The following NLGN1 variants were observed in gnomAD, a reference collection of about 807,000 sequenced individuals.
The protein encoded by NLGN1 is neuroligin-1.
A neutral mutation model predicts 65.5 loss-of-function variants in NLGN1; 12 were observed. The ratio of observed to expected loss-of-function variants is 0.18; its 90% CI spans 0.12 to 0.30. NLGN1 has a LOEUF of 0.30. NLGN1 is among the 10% of genes least tolerant of loss of function. The pLI, the probability that NLGN1 is intolerant of heterozygous loss-of-function variation, is 1.00. For missense variants in NLGN1, 750 were observed against 1,007.1 expected (o/e 0.74, Z 3.46); for synonymous variants, 350 against 359.5 (o/e 0.97, Z 0.30).
At chr3:173,569,334 T>G (rs1744245550) in intron 2 of NLGN1, among the ~76,000 whole-genome samples, 1 of 152,124 alleles carries the variant, frequency 6.6e-6, no homozygotes, top group Non-Finnish European at 1.5e-5. Context: ...GTGAGAGATT[T>G]TTCCTTCATC....
chr3:174,232,786 C>T (rs1175806180), intron 4 of NLGN1, among the ~76,000 whole-genome samples: 1 of 152,162 alleles, frequency 6.6e-6, no homozygotes, highest in East Asian at 1.9e-4. Flanking sequence ...TAGATGAAGC[C>T]TCCCTCAGGG....
chr3:173,739,762 C>T (rs937619019), intron 3 of NLGN1, among the ~76,000 whole-genome samples: 1 of 152,080 alleles, frequency 6.6e-6, no homozygotes, highest in East Asian at 1.9e-4. Context: ...TCCTAGTACT[C>T]TAGAGTTTCA....
At chr3:173,478,291 C>T (rs554308274) in intron 2 of NLGN1, among the ~76,000 whole-genome samples, 2 of 152,204 alleles carry the variant, frequency 1.3e-5, no homozygotes, top group African/African-American at 4.8e-5. Context: ...CCTCAGCAAA[C>T]TAATGCAAGA....
At chr3:173,640,796 A>G (rs1432107363) in intron 3 of NLGN1, among the ~76,000 whole-genome samples, 1 of 152,188 alleles carries the variant, frequency 6.6e-6, no homozygotes, top group Non-Finnish European at 1.5e-5. Flanking sequence ...TGCTTACAAT[A>G]ATTCACATTC....
intron 4 of NLGN1, among the ~76,000 whole-genome samples, chr3:174,250,379 T>C (rs982773401): frequency 2.0e-5 from 3 of 152,246 alleles, no homozygotes; most frequent in Admixed American, 6.5e-5. Flanking sequence ...GACAAATATA[T>C]GTATTCAAAT....
chr3:173,812,771 A>G (rs754213557), intron 4 of NLGN1, among the ~76,000 whole-genome samples: 39 of 144,402 alleles, frequency 2.7e-4, no homozygotes, highest in South Asian at 6.5e-4. Flanking sequence ...ATATATATAT[A>G]TGTGTGTGTA....
intron 3 of NLGN1, among the ~76,000 whole-genome samples, chr3:173,676,727 T>C (rs536272629): frequency 1.6e-3 from 241 of 152,212 alleles, no homozygotes; most frequent in Middle Eastern, 6.8e-3. Flanking sequence ...GTCTGAAAAA[T>C]GCCTAAACTT....
rs888948116 is a variant in NLGN1, at chr3:173,838,389, A to G, written c.646+30557A>G. ...TTTGACCAGCTTCAGGTTCATTGCA[A>G]TATTTATCTAGGAAATTAACATTGA... On this transcript the variant is annotated intron_variant, in intron 4 of 6. Coordinates refer to ENST00000457714, the Ensembl canonical transcript of NLGN1. Among the ~76,000 whole-genome samples the G allele has an allele frequency of 1.5e-4, 23 of 152,146 alleles. 1 individual carries two copies. Among genetic ancestry groups the G allele is most frequent in the Admixed American group, 1.4e-3 (21 of 15,280 alleles).
chr3:173,642,174 G>A (rs1757519920), intron 3 of NLGN1, among the ~76,000 whole-genome samples: 1 of 151,998 alleles, frequency 6.6e-6, no homozygotes, highest in Non-Finnish European at 1.5e-5. Context: ...TAAATTATAG[G>A]AAACAAGGAG....
At chr3:174,255,827 T>G (rs902789062) in intron 4 of NLGN1, among the ~76,000 whole-genome samples, 2 of 151,882 alleles carry the variant, frequency 1.3e-5, no homozygotes, top group Admixed American at 1.3e-4. Flanking sequence ...CCCAGCTAAT[T>G]TTTGCAGTTT....
chr3:174,249,336 C>A (rs993850198), intron 4 of NLGN1, among the ~76,000 whole-genome samples: 6 of 152,134 alleles, frequency 3.9e-5, no homozygotes, highest in Admixed American at 3.9e-4. Flanking sequence ...CTGTCACATG[C>A]TGCCGATAAA....
chr3:173,607,507 T>C (rs987839688), intron 3 of NLGN1, among the ~76,000 whole-genome samples: 27 of 151,384 alleles, frequency 1.8e-4, no homozygotes, highest in African/African-American at 6.5e-4. Context: ...AATTTTATTA[T>C]ATAAATAGTA....
intron 2 of NLGN1, among the ~76,000 whole-genome samples, chr3:173,592,062 C>G (rs1032267653): frequency 2.0e-5 from 3 of 152,162 alleles, no homozygotes; most frequent in Admixed American, 2.0e-4. Context: ...TACATTAAAA[C>G]TGTTGCCCAT....
At chr3:174,128,902 A>G (rs1345712663) in intron 4 of NLGN1, among the ~76,000 whole-genome samples, 4 of 152,158 alleles carry the variant, frequency 2.6e-5, no homozygotes, top group Admixed American at 2.0e-4. Context: ...GGCCCAGGAA[A>G]TCAAAATAGA....
intron 4 of NLGN1, among the ~76,000 whole-genome samples, chr3:174,231,147 C>T (rs1330881394): frequency 6.6e-6 from 1 of 152,098 alleles, no homozygotes; most frequent in Non-Finnish European, 1.5e-5. Context: ...ATCTCTTTCA[C>T]CGTCATAATT....
intron 4 of NLGN1, among the ~76,000 whole-genome samples, chr3:174,024,656 G>A (rs1170551844): frequency 6.6e-6 from 1 of 152,180 alleles, no homozygotes; most frequent in African/African-American, 2.4e-5. Context: ...TGCTGTGGAA[G>A]GCTCTGAAGT....
chr3:173,908,166 G>C (rs921665514), intron 4 of NLGN1, among the ~76,000 whole-genome samples: 7 of 152,082 alleles, frequency 4.6e-5, no homozygotes, highest in African/African-American at 1.7e-4. Flanking sequence ...AAATAAACTG[G>C]AAAAAATATG....
At chr3:174,000,449 TG>T (rs1262594384) in intron 4 of NLGN1, among the ~76,000 whole-genome samples, 17 of 152,142 alleles carry the variant, frequency 1.1e-4, no homozygotes, top group African/African-American at 4.1e-4. Flanking sequence ...ACTCCAGGTA[TG>T]GAGGCAAGGT....
At chr3:173,538,819 C>T (rs957867482) in intron 2 of NLGN1, among the ~76,000 whole-genome samples, 4 of 151,992 alleles carry the variant, frequency 2.6e-5, no homozygotes, top group Non-Finnish European at 4.4e-5. Flanking sequence ...TTAAAATATT[C>T]CTCTGCTAGG....
Sources: allele counts gnomAD v4.1 joint callset (sites outside exome capture counted in the v4.1 genomes callset), GRCh38; gene constraint gnomAD v4.1.1; transcripts MANE v1.5; gene names NCBI Gene and HGNC (gene_info 2026-07-23, HGNC 2026-07-21).